Variants in LINGO2 observed in about 807,000 individuals in gnomAD.
LINGO2 encodes leucine-rich repeat and immunoglobulin-like domain-containing nogo receptor-interacting protein 2.
In LINGO2, 14 loss-of-function variants were observed where a neutral mutation model predicts 30.6. That is an observed-to-expected ratio of 0.46 (90% CI 0.30 to 0.72). LINGO2 has a LOEUF of 0.72. Among genes scored for constraint, LINGO2 ranks in the 30% least tolerant of loss-of-function variants. The probability of loss-of-function intolerance (pLI) is 0.07; values close to 1 mark genes in which losing one functional copy is unlikely to be tolerated. For synonymous variants in LINGO2, 317 were observed against 288.5 expected (o/e 1.10, Z -1.00); for missense variants, 729 against 751.7 (o/e 0.97, Z 0.35).
intron 1 of LINGO2, among the ~76,000 whole-genome samples, chr9:28,580,890 TG>T (rs1824226200): frequency 6.6e-6 from 1 of 152,016 alleles, no homozygotes; most frequent in African/African-American, 2.4e-5. Flanking sequence ...AGTATTTTCC[TG>T]GAGTGACAGT....
At chr9:28,409,512 C>T (rs558638435) in intron 2 of LINGO2, among the ~76,000 whole-genome samples, 1 of 151,824 alleles carries the variant, frequency 6.6e-6, no homozygotes, top group Admixed American at 6.6e-5. Flanking sequence ...AATACATTTC[C>T]CTGTTGAGAC....
chr9:28,961,060 T>C, the LINGO2 span, among the ~76,000 whole-genome samples: 1 of 152,142 alleles, frequency 6.6e-6, no homozygotes, highest in Non-Finnish European at 1.5e-5. Flanking sequence ...GATATGCTCA[T>C]GTAGATTTAT....
Position 28,549,571 on chromosome 9 carries a change from G to A in LINGO2, c.-364-73546C>T, listed in dbSNP as rs1171455664. Among the ~76,000 whole-genome samples the A allele has an allele frequency of 1.1e-3, 174 of 152,056 alleles. 1 individual carries two copies. The highest frequency in any genetic ancestry group is 7.4e-5 in the Non-Finnish European group (5 of 67,940). ...ATAGTTGTACCAGTTTACAGTTGCA[G>A]TAGCAGTGTATGAAAGCTGCCACTG... On this transcript the variant is annotated intron_variant, in intron 1 of 5. Transcript: ENST00000379992.
intron 5 of LINGO2, among the ~76,000 whole-genome samples, chr9:27,983,107 T>A (rs1342700883): frequency 6.6e-6 from 1 of 151,910 alleles, no homozygotes; most frequent in African/African-American, 2.4e-5. Context: ...TAACTATTAA[T>A]AATTGTATAC....
At chr9:28,123,392 C>T (rs745499957) in intron 4 of LINGO2, among the ~76,000 whole-genome samples, 1 of 152,128 alleles carries the variant, frequency 6.6e-6, no homozygotes, top group Non-Finnish European at 1.5e-5. Context: ...TATTCATCTA[C>T]CTGGTCAGCA....
At chr9:28,877,831 A>T in the LINGO2 span, among the ~76,000 whole-genome samples, 1 of 152,120 alleles carries the variant, frequency 6.6e-6, no homozygotes, top group Non-Finnish European at 1.5e-5. Flanking sequence ...GAATCTATAA[A>T]TTACCTTGGG....
chr9:28,745,280 T>C, the LINGO2 span, among the ~76,000 whole-genome samples: 8 of 152,140 alleles, frequency 5.3e-5, no homozygotes, highest in Non-Finnish European at 7.4e-5. Flanking sequence ...TTAAGCTTCA[T>C]GTAGTAGTGA....
chr9:29,054,645 C>T, the LINGO2 span, among the ~76,000 whole-genome samples: 1 of 151,994 alleles, frequency 6.6e-6, no homozygotes, highest in East Asian at 1.9e-4. Flanking sequence ...ATATGATATC[C>T]TGGGTTAGAA....
chr9:28,850,741 G>T, the LINGO2 span, among the ~76,000 whole-genome samples: 1 of 152,002 alleles, frequency 6.6e-6, no homozygotes, highest in Non-Finnish European at 1.5e-5. Flanking sequence ...AGCTAACATT[G>T]TAGAGCTGTA....
In LINGO2 at chr9:28,492,850, C is replaced by CA. The variant is rs11354221; in HGVS notation, c.-364-16826dup. ...AAAAGAAAAACAACAACAACAACAA[C>CA]AAAAAAACGGTGAGGGGAGCGGGCG... On this transcript the variant is annotated intron_variant, in intron 1 of 5. Transcript: ENST00000379992. Among the ~76,000 whole-genome samples the CA allele has an allele frequency of 5.3e-5, 8 of 151,902 alleles. No homozygotes were observed. In the East Asian group the frequency reaches 1.2e-3, roughly 22 times the overall value.
chr9:28,893,123 C>G, the LINGO2 span, among the ~76,000 whole-genome samples: 1 of 151,952 alleles, frequency 6.6e-6, no homozygotes, highest in East Asian at 1.9e-4. Flanking sequence ...CCATTCTCTA[C>G]CCAATCCAAC....
intron 2 of LINGO2, among the ~76,000 whole-genome samples, chr9:28,414,462 G>A (rs1822893381): frequency 6.6e-6 from 1 of 152,074 alleles, no homozygotes; most frequent in South Asian, 2.1e-4. Flanking sequence ...GCTGCAAAAA[G>A]AAGAGAGCAT....
At chr9:28,441,827 T>G (rs1449164293) in intron 2 of LINGO2, among the ~76,000 whole-genome samples, 14 of 152,272 alleles carry the variant, frequency 9.2e-5, no homozygotes, top group Middle Eastern at 3.4e-3. Flanking sequence ...TGCAAACAAA[T>G]AACTCTCTAG....
At chr9:28,553,392 G>T (rs953037141) in intron 1 of LINGO2, among the ~76,000 whole-genome samples, 7 of 152,142 alleles carry the variant, frequency 4.6e-5, no homozygotes, top group African/African-American at 1.7e-4. Context: ...GGAAGAAAGG[G>T]TATCAGCAAT....
chr9:29,075,981 G>C, the LINGO2 span, among the ~76,000 whole-genome samples: 1 of 151,836 alleles, frequency 6.6e-6, no homozygotes, highest in African/African-American at 2.4e-5. Context: ...TGCAAATCCT[G>C]GGCTCTAGTA....
chr9:28,500,993 A>G (rs1485816525), intron 1 of LINGO2, among the ~76,000 whole-genome samples: 1 of 152,188 alleles, frequency 6.6e-6, no homozygotes, highest in Non-Finnish European at 1.5e-5. Context: ...ACAGGAAAAT[A>G]ACATGTAAGT....
At chr9:28,939,696 C>G in the LINGO2 span, among the ~76,000 whole-genome samples, 3 of 152,086 alleles carry the variant, frequency 2.0e-5, no homozygotes, top group Non-Finnish European at 2.9e-5. Context: ...AGCAGAGGTG[C>G]TATCTTACTA....
chr9:28,976,682 ATTGGTG>A, the LINGO2 span, among the ~76,000 whole-genome samples: 1 of 152,130 alleles, frequency 6.6e-6, no homozygotes, highest in South Asian at 2.1e-4. Context: ...TATATAAGAT[ATTGGTG>A]TTAACTCATA....
intron 4 of LINGO2, chr9:28,012,516 TGA>T (rs1822609539): frequency 2.0e-5 from 3 of 152,122 alleles, no homozygotes; most frequent in Admixed American, 6.5e-5. Context: ...TCAACGGCAG[TGA>T]GAGGAGTGCA....
Sources: allele counts gnomAD v4.1 joint callset (sites outside exome capture counted in the v4.1 genomes callset), GRCh38; gene constraint gnomAD v4.1.1; transcripts MANE v1.5; gene names NCBI Gene and HGNC (gene_info 2026-07-23, HGNC 2026-07-21).